The following RNF111 variants were observed in gnomAD, a reference collection of about 807,000 sequenced individuals.
RNF111 encodes ring finger protein 111.
A neutral mutation model predicts 95.1 loss-of-function variants in RNF111; 17 were observed. The ratio of observed to expected loss-of-function variants is 0.18; its 90% CI spans 0.12 to 0.27. The LOEUF is 0.27. Ranked by LOEUF, RNF111 falls within the 10% of genes least tolerant of loss-of-function variation. The probability of loss-of-function intolerance (pLI) is 1.00; values close to 1 mark genes in which losing one functional copy is unlikely to be tolerated. For synonymous variants in RNF111, 440 were observed against 414.8 expected (o/e 1.06, Z -0.74); for missense variants, 1,189 against 1,210.4 (o/e 0.98, Z 0.26).
At position 59,097,114 on chromosome 15, in the gene RNF111, A is replaced by G. The variant is rs1387222680; in HGVS notation, c.*2214A>G. Reference sequence around the variant, plus strand: ...CTGCCATTAGTTATCGAAAAATGTGATAAGTAATGAAGAAAGTAAGGAAGA... The same window carrying G: ...CTGCCATTAGTTATCGAAAAATGTGGTAAGTAATGAAGAAAGTAAGGAAGA... On this transcript the variant is annotated 3_prime_UTR_variant, in exon 14 of 14. Coordinates refer to ENST00000348370, the MANE Select transcript of RNF111 (RefSeq NM_017610.8). 2.6e-5 allele frequency: 4 copies of G among 152,248 alleles called. No individual in the cohort carries two copies. The highest frequency in any genetic ancestry group is 1.9e-4 in the East Asian group (1 of 5,204). The allele number at this position is 152,248 out of a possible 1,614,324, so 9.4% of individuals were successfully genotyped here.
intron 1 of RNF111, among the ~76,000 whole-genome samples, chr15:59,002,352 C>A (rs530756852): frequency 6.6e-6 from 1 of 152,134 alleles, no homozygotes; most frequent in Admixed American, 6.6e-5. Flanking sequence ...CTGTCCCTTC[C>A]GTTTTCCCAT....
intron 1 of RNF111, among the ~76,000 whole-genome samples, chr15:59,016,593 C>T (rs2040078932): frequency 6.6e-6 from 1 of 152,098 alleles, no homozygotes; most frequent in South Asian, 2.1e-4. Flanking sequence ...TTTCATCTTG[C>T]TCGGCCCACC....
In RNF111 at chr15:59,084,119, G is replaced by C. The variant is rs369434704; in HGVS notation, c.2298-10G>C. 6.4e-7 allele frequency: 1 copy of C among 1,574,434 alleles called. No individual in the cohort carries two copies. The highest frequency in any genetic ancestry group is 8.6e-7 in the Non-Finnish European group (1 of 1,162,350). On this transcript the variant is annotated splice_polypyrimidine_tract_variant and intron_variant, in intron 8 of 13. Transcript: ENST00000348370. ...ATTTCCAGTGGTCTTTTTGTGTTCT[G>C]TGTTTCCAGGCGGGCACATGAACGC...
At chr15:59,085,876 T>C (rs576064974) in intron 10 of RNF111, 91 bp downstream of exon 10, 1 of 1,084,620 alleles carries the variant, frequency 9.2e-7, no homozygotes, top group African/African-American at 1.6e-5. Flanking sequence ...TTAATATAGA[T>C]GTTTTAATAG....
intron 5 of RNF111, among the ~76,000 whole-genome samples, chr15:59,065,267 A>G (rs551600253): frequency 6.6e-5 from 10 of 152,286 alleles, no homozygotes; most frequent in African/African-American, 2.2e-4. Flanking sequence ...AATCTCTTTT[A>G]TATAGTTTCC....
intron 1 of RNF111, among the ~76,000 whole-genome samples, chr15:59,000,079 G>T (rs2039255521): frequency 6.6e-6 from 1 of 151,736 alleles, no homozygotes; most frequent in Non-Finnish European, 1.5e-5. Flanking sequence ...TGAGGACACA[G>T]ATCCAGACCA....
intron 10 of RNF111, 71 bp from the exon 11 acceptor site, chr15:59,089,593 AATT>A (rs2078993046): frequency 1.7e-6 from 2 of 1,168,416 alleles, no homozygotes; most frequent in African/African-American, 3.0e-5. Flanking sequence ...GAGGGTCTTG[AATT>A]ATTCAATGTT....
At chr15:59,088,871 A>T (rs1322064640) in intron 10 of RNF111, among the ~76,000 whole-genome samples, 1 of 152,208 alleles carries the variant, frequency 6.6e-6, no homozygotes, top group Admixed American at 6.5e-5. Flanking sequence ...GGTGTATGAC[A>T]GCCTTCTTTG....
rs183450764 is a variant in RNF111, at chr15:59,017,045, C to G, written c.-19-13759C>G. The stretch of plus-strand genomic sequence containing the variant: ...AGCAAGCTCAGGGCTCCCACTGATT[C>G]TATATTACGGTGAATTGTATAATAT... On this transcript the variant is annotated intron_variant, in intron 1 of 13. Coordinates refer to ENST00000348370, the MANE Select transcript of RNF111 (RefSeq NM_017610.8). 3.9e-5 allele frequency among the ~76,000 whole-genome samples: 6 copies of G among 151,904 alleles called. No homozygotes were observed. The East Asian group carries it at 7.7e-4, about 20-fold the overall frequency.
rs1167796541 is a variant in RNF111 at position 59,095,844 on chromosome 15, A to G, written c.*944A>G. 9 of 395,538 alleles carry G rather than the reference A, an allele frequency of 2.3e-5. No homozygotes were observed. The highest frequency in any genetic ancestry group is 4.0e-5 in the Non-Finnish European group (9 of 224,392). 24.5% of individuals were successfully genotyped at this position (395,538 alleles called of 1,614,324 possible). On this transcript the variant is annotated 3_prime_UTR_variant, in exon 14 of 14. Coordinates refer to ENST00000348370, the MANE Select transcript of RNF111 (RefSeq NM_017610.8). ...GATTTTGTAGACACATTAAGTCAAG[A>G]TTTGGAATTTAAGTCACTGGCAGGT...
intron 2 of RNF111, among the ~76,000 whole-genome samples, chr15:59,046,921 A>G (rs1236183773): frequency 2.0e-5 from 3 of 152,086 alleles, no homozygotes; most frequent in Non-Finnish European, 4.4e-5. Flanking sequence ...AGGCTGGAGT[A>G]CAATGGCACA....
intron 7 of RNF111, among the ~76,000 whole-genome samples, chr15:59,077,165 AG>A (rs1212757795): frequency 6.6e-6 from 1 of 152,228 alleles, no homozygotes; most frequent in African/African-American, 2.4e-5. Context: ...TATGAGCACC[AG>A]TGTGATGCAT....
At chr15:59,049,957 G>A (rs1440051496) in intron 2 of RNF111, among the ~76,000 whole-genome samples, 1 of 150,886 alleles carries the variant, frequency 6.6e-6, no homozygotes, top group African/African-American at 2.4e-5. Flanking sequence ...GGTCAGGCTG[G>A]TCCCAAACTC....
rs375033655 is a variant in RNF111 at position 59,045,772 on chromosome 15, C to G, written c.881-6533C>G. ...ACATGTCTGCAAAGTCAATGGTTAGCTGGATTAATATCTCAAGGTTCCTTT... is the reference window on the plus strand; with the variant it reads ...ACATGTCTGCAAAGTCAATGGTTAGGTGGATTAATATCTCAAGGTTCCTTT... On this transcript the variant is annotated intron_variant, in intron 2 of 13. Transcript: ENST00000348370. Among the ~76,000 whole-genome samples, 12 of 152,296 alleles carry G rather than the reference C, an allele frequency of 7.9e-5. No homozygotes were observed. The East Asian group carries it at 2.1e-3, about 27-fold the overall frequency.
intron 5 of RNF111, 118 bp downstream of exon 5, chr15:59,058,668 A>G: frequency 1.2e-6 from 1 of 857,232 alleles, no homozygotes. Context: ...TTACATTATA[A>G]TAAACTTCAT....
intron 1 of RNF111, among the ~76,000 whole-genome samples, chr15:58,997,194 A>G (rs1021294509): frequency 2.0e-5 from 3 of 152,262 alleles, no homozygotes; most frequent in South Asian, 2.1e-4. Flanking sequence ...TTATCTTCCT[A>G]TGACCCAAGT....
chr15:59,092,130 A>G (rs1188104381), intron 12 of RNF111, among the ~76,000 whole-genome samples: 1 of 152,252 alleles, frequency 6.6e-6, no homozygotes. Flanking sequence ...AGTACATTCA[A>G]GTTTTCAACT....
chr15:59,050,499 C>T (rs1384142139), intron 2 of RNF111: 1 of 152,044 alleles, frequency 6.6e-6, no homozygotes, highest in Non-Finnish European at 1.5e-5. Context: ...GTAGACTTAC[C>T]CTGACACTAG....
intron 11 of RNF111, 49 bp from the exon 12 acceptor site, chr15:59,091,010 A>T: frequency 9.0e-7 from 1 of 1,111,666 alleles, no homozygotes; most frequent in Non-Finnish European, 1.4e-6. Context: ...GTTCTGTTCA[A>T]GGAATAATCA....
Sources: gnomAD v4.1 joint callset for allele counts (sites outside exome capture counted in the v4.1 genomes callset) on GRCh38, gnomAD v4.1.1 for gene constraint, MANE v1.5 for transcripts, NCBI Gene and HGNC (gene_info 2026-07-23, HGNC 2026-07-21) for gene names.